Variants in AASS observed in about 807,000 individuals in gnomAD.
AASS encodes alpha-aminoadipic semialdehyde synthase, mitochondrial.
Under a neutral mutation model 105.4 loss-of-function variants are expected in AASS, and 86 were observed. The ratio of observed to expected loss-of-function variants is 0.82; its 90% confidence interval spans 0.69 to 0.98. The LOEUF (loss-of-function observed/expected upper bound fraction) is 0.98. Ranked by LOEUF, AASS falls within the 50% of genes least tolerant of loss-of-function variation. The pLI is 0.00. For synonymous variants in AASS, 381 were observed against 394.8 expected (o/e 0.96, Z 0.41); for missense variants, 1,048 against 1,143.2 (o/e 0.92, Z 1.20).
intron 18 of AASS, among the ~76,000 whole-genome samples, chr7:122,089,170 AAG>A (rs1793777463): frequency 1.3e-5 from 2 of 152,222 alleles, no homozygotes; most frequent in African/African-American, 4.8e-5. Flanking sequence ...GCAAGAATAC[AAG>A]AGAGGTTTTA....
At chr7:122,105,861 A>G (rs555017542) in intron 11 of AASS, among the ~76,000 whole-genome samples, 4 of 152,208 alleles carry the variant, frequency 2.6e-5, no homozygotes, top group African/African-American at 9.6e-5. Flanking sequence ...TAGTAGACAC[A>G]AAGAAATAAT....
At chr7:122,117,734 C>T (rs541796008) in intron 6 of AASS, among the ~76,000 whole-genome samples, 1 of 151,958 alleles carries the variant, frequency 6.6e-6, no homozygotes, top group Admixed American at 6.6e-5. Context: ...CGGCTCACTG[C>T]AACATTTGCC....
intron 20 of AASS, among the ~76,000 whole-genome samples, chr7:122,080,298 G>T (rs1204540290): frequency 2.0e-5 from 3 of 152,118 alleles, no homozygotes; most frequent in African/African-American, 7.2e-5. Context: ...ACCAAATTTG[G>T]CTCATTGTCT....
chr7:122,125,961 A>G (rs1795639483), intron 4 of AASS, among the ~76,000 whole-genome samples: 1 of 152,202 alleles, frequency 6.6e-6, no homozygotes, highest in Non-Finnish European at 1.5e-5. Flanking sequence ...ACAGAGCTAC[A>G]ACATATTGTG....
At position 122,139,948 on chromosome 7, in the gene AASS, TCAAACAAACAAA is replaced by T. The variant is rs10593110; in HGVS notation, c.-16+4201_-16+4212del. 5.7e-4 allele frequency among the ~76,000 whole-genome samples: 86 copies of T among 150,408 alleles called. 1 individual carries two copies. In the South Asian group the frequency reaches 0.013, roughly 23 times the overall value. On this transcript the variant is annotated intron_variant, in intron 1 of 23. Transcript: ENST00000417368. ...ACCTGGACAACAAAGTGAGACTGTCTCAAACAAACAAACAAACAAACAAACAAACAAATGATG... is the reference window on the plus strand; with the variant it reads ...ACCTGGACAACAAAGTGAGACTGTCTCAAACAAACAAACAAACAAATGATG...
intron 8 of AASS, 124 bp from the exon 9 acceptor site, chr7:122,115,346 A>G: frequency 7.8e-7 from 1 of 1,285,528 alleles, no homozygotes; most frequent in Non-Finnish European, 1.1e-6. Flanking sequence ...TGATTTTCTT[A>G]TTGTCCATGT....
At chr7:122,126,661 G>A (rs1329642352) in intron 3 of AASS, among the ~76,000 whole-genome samples, 1 of 152,028 alleles carries the variant, frequency 6.6e-6, no homozygotes, top group Non-Finnish European at 1.5e-5. Context: ...AATTAGAAAT[G>A]AAAAAATGTT....
intron 4 of AASS, 45 bp downstream of exon 4, chr7:122,126,330 C>G: frequency 6.4e-7 from 1 of 1,554,838 alleles, no homozygotes; most frequent in Non-Finnish European, 8.9e-7. Context: ...AGTTATTCCC[C>G]AAGCCAATTT....
At position 122,098,700 on chromosome 7, in the gene AASS, G is replaced by A. The variant is rs117226618; in HGVS notation, c.1528+45C>T. 8.3e-3 allele frequency: 13,288 copies of A among 1,595,600 alleles called. 91 individuals are homozygous for A. Among genetic ancestry groups the A allele is most frequent in the Middle Eastern group, 0.012 (69 of 5,990 alleles). On this transcript the variant is annotated intron_variant, in intron 14 of 23. Coordinates refer to ENST00000417368, the MANE Select transcript of AASS (RefSeq NM_005763.4). ...TCTTCTAAAATGTAGAAGTCAACAC[G>A]CTATAAAATACATTTTTCTTCTTCA...
chr7:122,112,545 T>C (rs999375706), intron 11 of AASS, among the ~76,000 whole-genome samples: 1 of 152,056 alleles, frequency 6.6e-6, no homozygotes, highest in African/African-American at 2.4e-5. Context: ...AGGCAGACAG[T>C]CTGAAATAAA....
chr7:122,080,924 T>C (rs1438455121), intron 20 of AASS, among the ~76,000 whole-genome samples: 2 of 152,208 alleles, frequency 1.3e-5, no homozygotes, highest in Non-Finnish European at 2.9e-5. Context: ...CAGCTGGTAA[T>C]GAGTTAATTC....
At chr7:122,127,065 T>G (rs1795689826) in intron 3 of AASS, among the ~76,000 whole-genome samples, 1 of 152,164 alleles carries the variant, frequency 6.6e-6, no homozygotes. Context: ...CCTTCTCCTC[T>G]CTTTTTCTTT....
rs746655583 is a variant in AASS at position 122,133,541 on chromosome 7, C to T, written c.186G>A (p.Ser62=). 8.1e-6 allele frequency: 13 copies of T among 1,614,072 alleles called. No homozygotes were observed. Among genetic ancestry groups the T allele is most frequent in the East Asian group, 6.7e-5 (3 of 44,902 alleles). The part of the protein sequence containing the change: ...NLGYKVLIQP[S]NRRAIHDKDY... ...CCTTATCATGAATGGCCCGCCGATTCGAAGGCTGTATCAAGACCTTGTATC... is the reference window on the plus strand; with the variant it reads ...CCTTATCATGAATGGCCCGCCGATTTGAAGGCTGTATCAAGACCTTGTATC... The change falls in exon 2 of 24, where the codon TCG becomes TCA. Residue 62 remains serine (S), a synonymous_variant. Transcript: ENST00000417368.
chr7:122,100,391 G>A (rs1794372109), intron 13 of AASS, among the ~76,000 whole-genome samples: 1 of 151,868 alleles, frequency 6.6e-6, no homozygotes, highest in Non-Finnish European at 1.5e-5. Context: ...CAGGGTTATA[G>A]AGCTAGCTTC....
chr7:122,117,171 TA>T (rs1337450249), intron 6 of AASS, among the ~76,000 whole-genome samples: 4 of 152,218 alleles, frequency 2.6e-5, no homozygotes, highest in Non-Finnish European at 5.9e-5. Flanking sequence ...GAAAGGGCTT[TA>T]ATTTTTTTCT....
Position 122,102,301 on chromosome 7 carries a change from T to C in AASS, c.1279-621A>G, listed in dbSNP as rs575841379. Reference sequence around the variant, plus strand: ...ACAAAAAAAGTAAGATGTCTCATGTTAACATTTCAGCAACCTTCTAGTCCT... The same window carrying C: ...ACAAAAAAAGTAAGATGTCTCATGTCAACATTTCAGCAACCTTCTAGTCCT... On this transcript the variant is annotated intron_variant, in intron 11 of 23. Coordinates refer to ENST00000417368, the MANE Select transcript of AASS (RefSeq NM_005763.4). 3.3e-5 allele frequency among the ~76,000 whole-genome samples: 5 copies of C among 152,092 alleles called. No individual in the cohort carries two copies. The South Asian group carries it at 1.0e-3, about 31-fold the overall frequency.
intron 15 of AASS, among the ~76,000 whole-genome samples, chr7:122,095,390 C>A (rs192374307): frequency 1.5e-3 from 229 of 152,024 alleles, no homozygotes; most frequent in Middle Eastern, 3.4e-3. Context: ...TGAGCATATC[C>A]ATATTCTATT....
Position 122,126,370 on chromosome 7 carries a change from C to A in AASS, c.472+5G>T. ...AGTGGGTGATGTAAGCCCTGGCATACTTACCTGCCACACCAGCCCACTGTC... is the reference window on the plus strand; with the variant it reads ...AGTGGGTGATGTAAGCCCTGGCATAATTACCTGCCACACCAGCCCACTGTC... On this transcript the variant is annotated splice_donor_5th_base_variant and intron_variant, in intron 4 of 23. Transcript: ENST00000417368. 1.2e-6 allele frequency: 2 copies of A among 1,613,222 alleles called. No homozygotes were observed. The highest frequency in any genetic ancestry group is 8.5e-7 in the Non-Finnish European group (1 of 1,179,244).
At chr7:122,093,567 T>C (rs1306042538) in intron 15 of AASS, among the ~76,000 whole-genome samples, 8 of 152,234 alleles carry the variant, frequency 5.3e-5, no homozygotes, top group African/African-American at 7.2e-5. Context: ...CCCAGAACTT[T>C]GGGAGGCCAA....
Sources: allele counts gnomAD v4.1 joint callset (sites outside exome capture counted in the v4.1 genomes callset), GRCh38; gene constraint gnomAD v4.1.1; transcripts MANE v1.5; gene names NCBI Gene and HGNC (gene_info 2026-07-23, HGNC 2026-07-21).